NINJ2: variants seen among roughly 807,000 people sequenced by gnomAD.
NINJ2 encodes the protein ninjurin 2, also known as ninjurin-2.
Under a neutral mutation model 11.7 loss-of-function variants are expected in NINJ2, and 12 were observed. The ratio of observed to expected loss-of-function variants is 1.02; its 90% confidence interval spans 0.66 to 1.66. NINJ2 has a LOEUF of 1.66. Ranked by LOEUF, NINJ2 falls within the 40% of genes most tolerant of loss-of-function variation. The probability of loss-of-function intolerance (pLI) is 0.00; values close to 1 mark genes in which losing one functional copy is unlikely to be tolerated. For missense variants in NINJ2, 187 were observed against 181.8 expected (o/e 1.03, Z -0.16); for synonymous variants, 93 against 76.8 (o/e 1.21, Z -1.10).
intron 1 of NINJ2, among the ~76,000 whole-genome samples, chr12:605,117 T>C (rs1258572338): frequency 6.6e-6 from 1 of 152,190 alleles, no homozygotes; most frequent in Non-Finnish European, 1.5e-5. Context: ...CCGTGTGAGA[T>C]GCGGCCTACT....
chr12:635,760 G>C (rs1262731769), intron 1 of NINJ2, among the ~76,000 whole-genome samples: 3 of 152,170 alleles, frequency 2.0e-5, no homozygotes, highest in Admixed American at 1.3e-4. Context: ...CAGAACTTGC[G>C]CACCAAAGGA....
chr12:651,885 G>T (rs962411512), intron 1 of NINJ2, among the ~76,000 whole-genome samples: 6 of 152,288 alleles, frequency 3.9e-5, no homozygotes, highest in Non-Finnish European at 7.3e-5. Flanking sequence ...CTCATAGAAG[G>T]CCCCTACATG....
intron 1 of NINJ2, among the ~76,000 whole-genome samples, chr12:567,871 G>A (rs902210411): frequency 6.6e-6 from 1 of 152,168 alleles, no homozygotes; most frequent in African/African-American, 2.4e-5. Flanking sequence ...AGCTGGGTAT[G>A]GTGTCACACG....
chr12:575,842 A>C (rs1947449516), intron 1 of NINJ2, among the ~76,000 whole-genome samples: 1 of 152,070 alleles, frequency 6.6e-6, no homozygotes, highest in Admixed American at 6.6e-5. Context: ...TTTGCTCTTA[A>C]ACACCCCCAC....
At chr12:662,173 G>A (rs1259378596) in intron 1 of NINJ2, among the ~76,000 whole-genome samples, 2 of 152,238 alleles carry the variant, frequency 1.3e-5, no homozygotes, top group Non-Finnish European at 2.9e-5. Flanking sequence ...CAGGAGATAA[G>A]CCAGGGAAAG....
At chr12:634,009 A>G (rs1448967492) in intron 1 of NINJ2, among the ~76,000 whole-genome samples, 1 of 152,018 alleles carries the variant, frequency 6.6e-6, no homozygotes, top group African/African-American at 2.4e-5. Flanking sequence ...TGCCTGTTTC[A>G]TTCCCAGTTT....
intron 1 of NINJ2, among the ~76,000 whole-genome samples, chr12:620,709 A>C (rs1236211432): frequency 1.3e-5 from 2 of 152,200 alleles, no homozygotes; most frequent in Non-Finnish European, 2.9e-5. Flanking sequence ...GGCTCACTGC[A>C]ACCTCTGCCT....
In NINJ2 at chr12:581,113, CTGTGTGTGCGTGTCTCTGTGCCTCTGTG is replaced by C; in HGVS notation, c.34-14963_34-14936del. Among the ~76,000 whole-genome samples, 1 of 137,616 alleles carries C rather than the reference CTGTGTGTGCGTGTCTCTGTGCCTCTGTG, an allele frequency of 7.3e-6. No individual in the cohort carries two copies. The highest frequency in any genetic ancestry group is 2.1e-4 in the East Asian group (1 of 4,772). 90.3% of individuals were successfully genotyped at this position (137,616 alleles called of 152,430 possible). On this transcript the variant is annotated intron_variant, in intron 1 of 3. Coordinates refer to ENST00000305108, the MANE Select transcript of NINJ2 (RefSeq NM_016533.6). The surrounding 1 kb of genome is among the most constrained non-coding windows in gnomAD (Gnocchi z 4.9). ...TGCATGTGTCTCTGTGTGTCTGTGT[CTGTGTGTGCGTGTCTCTGTGCCTCTGTG>C]TGTGTGTGCATGTGTCTCTGTGTGT...
intron 1 of NINJ2, among the ~76,000 whole-genome samples, chr12:566,697 G>A (rs1313457936): frequency 1.3e-5 from 2 of 152,234 alleles, no homozygotes; most frequent in Non-Finnish European, 2.9e-5. Context: ...CAACCCTCAG[G>A]AGCACTGGAG....
intron 1 of NINJ2, among the ~76,000 whole-genome samples, chr12:601,462 G>A (rs1048123383): frequency 6.6e-6 from 1 of 151,038 alleles, no homozygotes; most frequent in Non-Finnish European, 1.5e-5. Context: ...GCAGGAGAAT[G>A]GTGTGAACCT....
At chr12:573,477 G>A (rs111904097) in intron 1 of NINJ2, among the ~76,000 whole-genome samples, 1 of 152,240 alleles carries the variant, frequency 6.6e-6, no homozygotes, top group African/African-American at 2.4e-5. Flanking sequence ...TATTTAGGAG[G>A]CTGAGACAGG....
rs1343308491 is a variant in NINJ2 at position 628,556 on chromosome 12, G to A, written c.33+34772C>T. 6.6e-6 allele frequency among the ~76,000 whole-genome samples: 1 copy of A among 152,184 alleles called. No homozygotes were observed. The highest frequency in any genetic ancestry group is 2.4e-5 in the African/African-American group (1 of 41,456). ...ATACGTGTCTATGGCAGAGGCATTC[G>A]AACCAGAATGACTCCATCTTGAATA... On this transcript the variant is annotated intron_variant, in intron 1 of 3. Coordinates refer to ENST00000305108, the MANE Select transcript of NINJ2 (RefSeq NM_016533.6). This position sits in a 1 kb window ranked among gnomAD's most constrained non-coding sequence, Gnocchi z 4.4.
chr12:629,896 A>AAAAAAAAAAAAAAAAATATATATATATAT, intron 1 of NINJ2, among the ~76,000 whole-genome samples: 2 of 9,898 alleles, frequency 2.0e-4, no homozygotes, highest in Non-Finnish European at 4.7e-4. Flanking sequence ...AAAAAAAAAA[A>AAAAAAAAAAAAAAAAATATATATATATAT]ATATATATAT....
chr12:625,646 G>T (rs1211039341), intron 1 of NINJ2, among the ~76,000 whole-genome samples: 1 of 152,140 alleles, frequency 6.6e-6, no homozygotes, highest in Admixed American at 6.6e-5. Flanking sequence ...CTCACTGTCT[G>T]GACCTCTCAT....
In NINJ2 at chr12:640,126, G is replaced by T. The variant is rs1453527480; in HGVS notation, c.33+23202C>A. ...TCACACACGGAATGTTTGCTCTCTA[G>T]CAGCCAAATACACTGGAACTGGCAG... On this transcript the variant is annotated intron_variant, in intron 1 of 3. Coordinates refer to ENST00000305108, the MANE Select transcript of NINJ2 (RefSeq NM_016533.6). This position sits in a 1 kb window ranked among gnomAD's most constrained non-coding sequence, Gnocchi z 4.0. Among the ~76,000 whole-genome samples the T allele has an allele frequency of 6.6e-6, 1 of 152,214 alleles. No individual in the cohort carries two copies. Among genetic ancestry groups the T allele is most frequent in the Non-Finnish European group, 1.5e-5 (1 of 68,042 alleles).
intron 1 of NINJ2, among the ~76,000 whole-genome samples, chr12:573,504 C>T (rs1947408648): frequency 6.6e-6 from 1 of 152,002 alleles, no homozygotes; most frequent in African/African-American, 2.4e-5. Context: ...GCTTGAACCT[C>T]AGAGGCGGAG....
At chr12:595,685 G>A (rs868797152) in intron 1 of NINJ2, among the ~76,000 whole-genome samples, 8 of 152,094 alleles carry the variant, frequency 5.3e-5, no homozygotes, top group South Asian at 2.1e-4. Context: ...CCCGGGAGGC[G>A]GAGGTTGCGG....
intron 1 of NINJ2, among the ~76,000 whole-genome samples, chr12:574,030 T>C (rs1392350257): frequency 6.6e-6 from 1 of 152,204 alleles, no homozygotes; most frequent in East Asian, 1.9e-4. Context: ...GAGACCAGCC[T>C]GGCCAACATG....
At chr12:606,734 A>C (rs762739559) in intron 1 of NINJ2, among the ~76,000 whole-genome samples, 13 of 152,216 alleles carry the variant, frequency 8.5e-5, no homozygotes, top group Non-Finnish European at 1.2e-4. Flanking sequence ...GTCCACAAAA[A>C]TTGTCCTTCC....
Sources: gnomAD v4.1 joint callset for allele counts (sites outside exome capture counted in the v4.1 genomes callset) on GRCh38, gnomAD v4.1.1 for gene constraint, Gnocchi (gnomAD v3.1) non-coding constraint, MANE v1.5 for transcripts, NCBI Gene and HGNC (gene_info 2026-07-23, HGNC 2026-07-21) for gene names.